MYO16: variants seen among roughly 807,000 people sequenced by gnomAD.
The protein encoded by MYO16 is myosin XVI.
In MYO16, 94 loss-of-function variants were observed where a neutral mutation model predicts 205.3. The ratio of observed to expected loss-of-function variants is 0.46; its 90% CI spans 0.39 to 0.54. MYO16 has a LOEUF of 0.54. Among genes scored for constraint, MYO16 ranks in the 20% least tolerant of loss-of-function variants. The probability of loss-of-function intolerance (pLI) is 0.00; values close to 1 mark genes in which losing one functional copy is unlikely to be tolerated. For missense variants in MYO16, 2,315 were observed against 2,387.5 expected, an observed-to-expected ratio of 0.97 and a Z score of 0.63; for synonymous variants, 988 against 954.0, an observed-to-expected ratio of 1.04 and a Z score of -0.66.
intron 14 of MYO16, among the ~76,000 whole-genome samples, chr13:108,891,202 A>G (rs1018679154): frequency 6.6e-6 from 1 of 152,248 alleles, no homozygotes; most frequent in African/African-American, 2.4e-5. Context: ...GTATGTCATC[A>G]GGAGGCTGTA....
At chr13:108,575,061 A>G in the MYO16 span, among the ~76,000 whole-genome samples, 6 of 152,194 alleles carry the variant, frequency 3.9e-5, no homozygotes, top group Non-Finnish European at 7.3e-5. Context: ...GTGTACTCAC[A>G]CATTCCAGTG....
At chr13:108,910,232 C>T (rs1283071878) in intron 16 of MYO16, 82 bp downstream of exon 16, 7 of 1,411,668 alleles carry the variant, frequency 5.0e-6, no homozygotes, top group Non-Finnish European at 6.8e-6. Flanking sequence ...TATCTTCTTA[C>T]TTTTCAGAGA....
chr13:109,019,239 A>G (rs760824590), intron 22 of MYO16, among the ~76,000 whole-genome samples: 1 of 152,102 alleles, frequency 6.6e-6, no homozygotes, highest in African/African-American at 2.4e-5. Context: ...TGGCCTCCCA[A>G]AGGGCTTGGA....
chr13:109,010,957 T>TTATATATATATATATATTA lies in MYO16; in HGVS notation c.2595+1925_2595+1926insTATATATATATATATATAT, dbSNP rs1320269590. On this transcript the variant is annotated intron_variant, in intron 22 of 34. Coordinates refer to ENST00000457511, the MANE Select transcript of MYO16 (RefSeq NM_001198950.3). ...TCTATTATATATATTACATATAATA[T>TTATATATATATATATATTA]TATATATATATATATATATTTCTTC... is the stretch of plus-strand genomic sequence containing the variant. Among the ~76,000 whole-genome samples the TTATATATATATATATATTA allele has an allele frequency of 4.2e-4, 50 of 118,576 alleles. 2 individuals carry two copies. Among genetic ancestry groups the TTATATATATATATATATTA allele is most frequent in the African/African-American group, 1.5e-3 (49 of 32,274 alleles). The allele number at this position is 118,576 out of a possible 152,430, so 77.8% of individuals were successfully genotyped here.
chr13:109,199,830 A>G (rs977931044), intron 34 of MYO16, among the ~76,000 whole-genome samples: 2 of 152,230 alleles, frequency 1.3e-5, no homozygotes, highest in African/African-American at 2.4e-5. Flanking sequence ...AAAGGAAGCC[A>G]TGAGTGTTTT....
chr13:108,922,114 T>G (rs536100407), intron 16 of MYO16, among the ~76,000 whole-genome samples: 2 of 152,354 alleles, frequency 1.3e-5, no homozygotes, highest in East Asian at 3.9e-4. Context: ...GTCCACCCTC[T>G]CTTGTTGGAC....
At chr13:109,011,892 A>G (rs547165405) in intron 22 of MYO16, among the ~76,000 whole-genome samples, 5 of 152,244 alleles carry the variant, frequency 3.3e-5, no homozygotes, top group African/African-American at 7.2e-5. Context: ...AATGGCCTTT[A>G]TTAGCCAAAT....
the MYO16 span, among the ~76,000 whole-genome samples, chr13:108,574,152 C>G: frequency 6.6e-6 from 1 of 152,196 alleles, no homozygotes; most frequent in Non-Finnish European, 1.5e-5. Flanking sequence ...TGCGCCCAGC[C>G]TAATTGGTCA....
At chr13:109,170,188 C>G (rs9521193) in intron 33 of MYO16, among the ~76,000 whole-genome samples, 21,079 of 150,686 alleles carry the variant, frequency 0.14, 1,915 homozygotes, top group African/African-American at 0.26. Flanking sequence ...CCAACAAAGG[C>G]TAATATTCAA....
chr13:109,179,522 A>G lies in MYO16; in HGVS notation c.5324-20A>G. ...ACAAGGAGACACTGCTTAACTCCCGATTTGTGTTGACCTCAATAGGTTTAC... is the reference window on the plus strand; with the variant it reads ...ACAAGGAGACACTGCTTAACTCCCGGTTTGTGTTGACCTCAATAGGTTTAC... On this transcript the variant is annotated intron_variant, in intron 33 of 34. Transcript: ENST00000457511. 1 of 1,570,056 alleles carries G rather than the reference A, an allele frequency of 6.4e-7. No homozygotes were observed. Among genetic ancestry groups the G allele is most frequent in the Non-Finnish European group, 8.8e-7 (1 of 1,140,066 alleles).
chr13:108,575,849 G>A, the MYO16 span, among the ~76,000 whole-genome samples: 13 of 152,126 alleles, frequency 8.5e-5, no homozygotes, highest in African/African-American at 3.1e-4. Flanking sequence ...GGAAGTGCAG[G>A]TGTTGCAGAA....
At chr13:108,940,206 A>G (rs1236746980) in intron 16 of MYO16, among the ~76,000 whole-genome samples, 2 of 152,192 alleles carry the variant, frequency 1.3e-5, no homozygotes, top group Non-Finnish European at 2.9e-5. Flanking sequence ...TTAAGGGGAC[A>G]AGATTCAGAT....
chr13:108,947,823 G>A (rs1204639086), intron 16 of MYO16, among the ~76,000 whole-genome samples: 3 of 152,208 alleles, frequency 2.0e-5, no homozygotes, highest in African/African-American at 7.2e-5. Context: ...GAAAAATATG[G>A]ATGAACTATT....
chr13:108,956,615 A>G (rs1053077466), intron 16 of MYO16, among the ~76,000 whole-genome samples: 3 of 152,018 alleles, frequency 2.0e-5, no homozygotes, highest in Admixed American at 6.6e-5. Flanking sequence ...GCACACATGG[A>G]TATATTTTCC....
chr13:109,177,043 C>T (rs1019056911), intron 33 of MYO16, among the ~76,000 whole-genome samples: 1 of 152,204 alleles, frequency 6.6e-6, no homozygotes, highest in African/African-American at 2.4e-5. Flanking sequence ...TTCCGCGAAG[C>T]GTCCTTGTGT....
At chr13:109,019,343 C>G (rs901801503) in intron 22 of MYO16, among the ~76,000 whole-genome samples, 2 of 152,018 alleles carry the variant, frequency 1.3e-5, no homozygotes, top group African/African-American at 2.4e-5. Context: ...CTTGTCTCAT[C>G]ATTGGTATGG....
At chr13:109,182,304 A>T (rs1448194041) in intron 34 of MYO16, among the ~76,000 whole-genome samples, 6 of 152,294 alleles carry the variant, frequency 3.9e-5, no homozygotes, top group Non-Finnish European at 8.8e-5. Context: ...CACATGTAAG[A>T]TGGGCTCAGT....
At chr13:108,790,008 G>C (rs965167752) in intron 5 of MYO16, among the ~76,000 whole-genome samples, 1 of 152,198 alleles carries the variant, frequency 6.6e-6, no homozygotes, top group African/African-American at 2.4e-5. Flanking sequence ...AAGGTGAGGG[G>C]CTGGGTTACC....
chr13:108,575,715 C>G, the MYO16 span, among the ~76,000 whole-genome samples: 1 of 152,076 alleles, frequency 6.6e-6, no homozygotes, highest in East Asian at 1.9e-4. Flanking sequence ...ATGCAATGGT[C>G]CCCTGCCCGC....
Sources: gnomAD v4.1 joint callset for allele counts (sites outside exome capture counted in the v4.1 genomes callset) on GRCh38, gnomAD v4.1.1 for gene constraint, MANE v1.5 for transcripts, NCBI Gene and HGNC (gene_info 2026-07-23, HGNC 2026-07-21) for gene names.